The following KCNH1 variants were observed in gnomAD, a reference collection of about 807,000 sequenced individuals.
KCNH1 encodes the protein voltage-gated delayed rectifier potassium channel KCNH1.
In KCNH1, 27 loss-of-function variants were observed where a neutral mutation model predicts 69.2. The observed-to-expected ratio is 0.39, with a 90% CI of 0.29 to 0.54. The LOEUF is 0.54. KCNH1 is among the 20% of genes least tolerant of loss of function. The pLI is 0.68. For missense variants in KCNH1, 798 were observed against 1,261.6 expected, an observed-to-expected ratio of 0.63 and a Z score of 5.57; for synonymous variants, 456 against 487.7, an observed-to-expected ratio of 0.93 and a Z score of 0.86.
chr1:211,100,196 T>C (rs76213451), intron 3 of KCNH1, among the ~76,000 whole-genome samples: 2,350 of 152,128 alleles, frequency 0.015, 30 homozygotes, highest in Middle Eastern at 0.051. Flanking sequence ...TCTGATGACA[T>C]ACTTACCCTG....
intron 7 of KCNH1, among the ~76,000 whole-genome samples, chr1:210,817,652 C>T (rs565984501): frequency 8.5e-5 from 13 of 152,240 alleles, no homozygotes; most frequent in East Asian, 3.9e-4. Flanking sequence ...CTAATGCTTA[C>T]GTATACTGAC....
chr1:211,093,137 C>T (rs964039694), intron 3 of KCNH1, among the ~76,000 whole-genome samples: 1 of 152,138 alleles, frequency 6.6e-6, no homozygotes, highest in Non-Finnish European at 1.5e-5. Flanking sequence ...CGGCTGGGCC[C>T]GATGCCTGGG....
At chr1:210,777,772 T>C (rs1457498656) in intron 9 of KCNH1, among the ~76,000 whole-genome samples, 1 of 152,226 alleles carries the variant, frequency 6.6e-6, no homozygotes, top group Non-Finnish European at 1.5e-5. Flanking sequence ...GCCCCATCCA[T>C]TCTTTTCCAT....
chr1:210,787,894 G>C (rs1684133584), intron 9 of KCNH1, among the ~76,000 whole-genome samples: 1 of 152,218 alleles, frequency 6.6e-6, no homozygotes, highest in African/African-American at 2.4e-5. Flanking sequence ...TGGGGACTAT[G>C]CTGATCATGA....
intron 7 of KCNH1, among the ~76,000 whole-genome samples, chr1:210,852,252 G>C (rs573492128): frequency 2.1e-4 from 32 of 152,316 alleles, no homozygotes; most frequent in African/African-American, 7.5e-4. Context: ...CCAGAGGGAA[G>C]GAGGGGCTTG....
chr1:210,738,565 T>A (rs530922043), intron 10 of KCNH1, among the ~76,000 whole-genome samples: 1 of 131,636 alleles, frequency 7.6e-6, no homozygotes, highest in South Asian at 2.7e-4. Context: ...TTTTTTTTTT[T>A]TTTTTTTTTT....
At chr1:210,686,452 T>C (rs1298603566) in intron 10 of KCNH1, among the ~76,000 whole-genome samples, 1 of 152,184 alleles carries the variant, frequency 6.6e-6, no homozygotes, top group African/African-American at 2.4e-5. Context: ...TGTTCTTCTG[T>C]CCTAGTTACT....
rs187890329 is a variant in KCNH1 at position 210,806,348 on chromosome 1, C to G, written c.1463-2182G>C. ...AGCTTCTTTTCATGTGCTTATTGGT[C>G]ATTTATATATCTTCTTTGGAGAAAT... On this transcript the variant is annotated intron_variant, in intron 7 of 10. Coordinates refer to ENST00000271751, the MANE Select transcript of KCNH1 (RefSeq NM_172362.3). Among the ~76,000 whole-genome samples, 17 of 152,146 alleles carry G rather than the reference C, an allele frequency of 1.1e-4. No homozygotes were observed. The East Asian group carries it at 2.5e-3, about 22-fold the overall frequency.
chr1:210,969,653 C>A lies in KCNH1; in HGVS notation c.1032+49130G>T, dbSNP rs577431383. On this transcript the variant is annotated intron_variant, in intron 6 of 10. Coordinates refer to ENST00000271751, the MANE Select transcript of KCNH1 (RefSeq NM_172362.3). ...TAGGCCTAACGTTGTTTGGTCTGAG[C>A]CTTCTCACCAAAGTTTTATCATTTT... 3.9e-5 allele frequency among the ~76,000 whole-genome samples: 6 copies of A among 152,198 alleles called. No individual in the cohort carries two copies. The South Asian group carries it at 1.2e-3, about 32-fold the overall frequency.
At chr1:210,729,577 G>A (rs1191389006) in intron 10 of KCNH1, among the ~76,000 whole-genome samples, 7 of 152,086 alleles carry the variant, frequency 4.6e-5, no homozygotes, top group Non-Finnish European at 7.4e-5. Context: ...TTTTGAATAT[G>A]GTATAATTTT....
intron 10 of KCNH1, among the ~76,000 whole-genome samples, chr1:210,726,312 G>C (rs1682589188): frequency 6.6e-6 from 1 of 152,152 alleles, no homozygotes; most frequent in African/African-American, 2.4e-5. Flanking sequence ...CAAATGGGGA[G>C]ACTTGGGAGC....
At chr1:210,737,842 G>A (rs185257996) in intron 10 of KCNH1, among the ~76,000 whole-genome samples, 4 of 152,242 alleles carry the variant, frequency 2.6e-5, no homozygotes, top group South Asian at 2.1e-4. Flanking sequence ...TTTCTTAACC[G>A]GATTATTACA....
At chr1:211,066,665 C>T (rs886477530) in intron 5 of KCNH1, among the ~76,000 whole-genome samples, 1 of 152,142 alleles carries the variant, frequency 6.6e-6, no homozygotes, top group Non-Finnish European at 1.5e-5. Flanking sequence ...ATATTATCCT[C>T]ATTTCAAATT....
At chr1:210,854,832 C>T (rs903228975) in intron 7 of KCNH1, among the ~76,000 whole-genome samples, 2 of 152,122 alleles carry the variant, frequency 1.3e-5, no homozygotes, top group Non-Finnish European at 2.9e-5. Flanking sequence ...CCAGAGAACA[C>T]AAATGTTCTG....
At chr1:210,796,904 C>A (rs903655347) in intron 9 of KCNH1, among the ~76,000 whole-genome samples, 5 of 152,158 alleles carry the variant, frequency 3.3e-5, no homozygotes, top group African/African-American at 1.2e-4. Flanking sequence ...CTGCTTTCAG[C>A]TCTTCATTGG....
At chr1:211,061,529 T>C (rs571332616) in intron 5 of KCNH1, among the ~76,000 whole-genome samples, 5 of 152,048 alleles carry the variant, frequency 3.3e-5, no homozygotes, top group African/African-American at 1.2e-4. Flanking sequence ...AAGGAAGAAG[T>C]CATTGTTTGC....
At chr1:210,916,171 C>G (rs189393761) in intron 7 of KCNH1, among the ~76,000 whole-genome samples, 1 of 151,784 alleles carries the variant, frequency 6.6e-6, no homozygotes, top group East Asian at 1.9e-4. Flanking sequence ...TGTGTATACA[C>G]GGGCAAAAAA....
chr1:210,953,895 A>G (rs1344695241), intron 6 of KCNH1, among the ~76,000 whole-genome samples: 2 of 152,098 alleles, frequency 1.3e-5, no homozygotes, highest in Non-Finnish European at 2.9e-5. Context: ...ACTTAGCATA[A>G]GAGGTTCTCT....
At chr1:211,080,287 A>G (rs2102465176) in intron 5 of KCNH1, among the ~76,000 whole-genome samples, 1 of 152,300 alleles carries the variant, frequency 6.6e-6, no homozygotes, top group Admixed American at 6.5e-5. Flanking sequence ...CTTCAAGGAG[A>G]ACTACAAACC....
Sources: allele counts gnomAD v4.1 joint callset (sites outside exome capture counted in the v4.1 genomes callset), GRCh38; gene constraint gnomAD v4.1.1; transcripts MANE v1.5; gene names NCBI Gene and HGNC (gene_info 2026-07-23, HGNC 2026-07-21).